The following ADARB2 variants were observed in gnomAD, a reference collection of about 807,000 sequenced individuals.
ADARB2 encodes the protein inactive double-stranded RNA-specific editase B2.
In ADARB2, 25 loss-of-function variants were observed where a neutral mutation model predicts 62.2. That is an observed-to-expected ratio of 0.40 (90% CI 0.29 to 0.56). ADARB2 has a LOEUF of 0.56. ADARB2 is among the 20% of genes least tolerant of loss of function. ADARB2 has a pLI of 0.43. For missense variants in ADARB2, 1,071 were observed against 1,077.4 expected (o/e 0.99, Z 0.08); for synonymous variants, 572 against 500.8 (o/e 1.14, Z -1.90).
At chr10:1,725,914 T>A (rs1422742214) in intron 1 of ADARB2, among the ~76,000 whole-genome samples, 3 of 152,228 alleles carry the variant, frequency 2.0e-5, no homozygotes, top group Non-Finnish European at 4.4e-5. Flanking sequence ...TAAAATGTTT[T>A]CATAGTCAAG....
intron 3 of ADARB2, among the ~76,000 whole-genome samples, chr10:1,333,401 G>C (rs1831946451): frequency 1.3e-5 from 2 of 152,128 alleles, no homozygotes; most frequent in Non-Finnish European, 2.9e-5. Flanking sequence ...CTGAAAGAAG[G>C]CCTCACAGGG....
At chr10:1,402,437 G>A (rs1207853653) in intron 1 of ADARB2, among the ~76,000 whole-genome samples, 1 of 152,198 alleles carries the variant, frequency 6.6e-6, no homozygotes, top group African/African-American at 2.4e-5. Context: ...AAAATGCTGT[G>A]TGGAATTGGT....
intron 1 of ADARB2, among the ~76,000 whole-genome samples, chr10:1,462,652 TGTACATGA>T (rs1240226014): frequency 1.3e-5 from 2 of 151,844 alleles, no homozygotes; most frequent in African/African-American, 4.9e-5. Context: ...CCTGTGTGTA[TGTACATGA>T]GTGTATGTGC....
intron 1 of ADARB2, among the ~76,000 whole-genome samples, chr10:1,516,892 CGT>C (rs1832015736): frequency 6.6e-6 from 1 of 152,158 alleles, no homozygotes; most frequent in Non-Finnish European, 1.5e-5. Flanking sequence ...ATTCTAGACA[CGT>C]GTGTTTGTGA....
chr10:1,223,056 T>C (rs1830709371), intron 6 of ADARB2, among the ~76,000 whole-genome samples: 1 of 152,224 alleles, frequency 6.6e-6, no homozygotes. Context: ...GAGCATGTAT[T>C]GTTCTTCGAT....
chr10:1,228,481 G>A (rs1012349528), intron 6 of ADARB2, among the ~76,000 whole-genome samples: 4 of 152,234 alleles, frequency 2.6e-5, no homozygotes, highest in African/African-American at 9.6e-5. Context: ...GCCCTCGTGA[G>A]TCTGTGCTGA....
intron 1 of ADARB2, among the ~76,000 whole-genome samples, chr10:1,584,661 C>A (rs1564338715): frequency 6.6e-6 from 1 of 152,212 alleles, no homozygotes; most frequent in Non-Finnish European, 1.5e-5. Context: ...GGAGCTTTAT[C>A]CATAACTGCC....
intron 1 of ADARB2, among the ~76,000 whole-genome samples, chr10:1,515,384 G>T (rs1831995411): frequency 2.0e-5 from 3 of 152,238 alleles, no homozygotes; most frequent in Non-Finnish European, 4.4e-5. Context: ...TTTCCAGGTG[G>T]GAAACCCTCT....
intron 1 of ADARB2, among the ~76,000 whole-genome samples, chr10:1,533,247 T>C (rs957932471): frequency 2.7e-5 from 4 of 150,852 alleles, no homozygotes; most frequent in Non-Finnish European, 5.9e-5. Flanking sequence ...GCCTCCCGAG[T>C]AGCTGGGACT....
chr10:1,677,806 C>T (rs1834485960), intron 1 of ADARB2, among the ~76,000 whole-genome samples: 2 of 152,220 alleles, frequency 1.3e-5, no homozygotes, highest in Admixed American at 6.5e-5. Flanking sequence ...GCTGCTCTGT[C>T]TCTGCAGATC....
chr10:1,278,932 C>G (rs1831346068), intron 3 of ADARB2, among the ~76,000 whole-genome samples: 1 of 152,188 alleles, frequency 6.6e-6, no homozygotes, highest in South Asian at 2.1e-4. Context: ...TCATCAACCT[C>G]TCGAATGAAT....
At chr10:1,540,474 C>T (rs1832403148) in intron 1 of ADARB2, among the ~76,000 whole-genome samples, 1 of 147,986 alleles carries the variant, frequency 6.8e-6, no homozygotes, top group South Asian at 2.1e-4. Context: ...CGCCCAGACC[C>T]CACTCAGACG....
intron 1 of ADARB2, among the ~76,000 whole-genome samples, chr10:1,677,670 C>A (rs1834484675): frequency 6.6e-6 from 1 of 152,170 alleles, no homozygotes; most frequent in African/African-American, 2.4e-5. Flanking sequence ...CACTTTTTAC[C>A]TTTTAGATCC....
intron 5 of ADARB2, 112 bp downstream of exon 5, chr10:1,242,019 G>C: frequency 8.4e-7 from 1 of 1,189,222 alleles, no homozygotes; most frequent in East Asian, 2.6e-5. Context: ...GGCTCACCCT[G>C]TGCCAGGATA....
intron 1 of ADARB2, among the ~76,000 whole-genome samples, chr10:1,569,655 C>T (rs997312124): frequency 1.3e-5 from 2 of 152,122 alleles, no homozygotes; most frequent in African/African-American, 4.8e-5. Flanking sequence ...TTAAATGCAA[C>T]CATTTGTCAT....
chr10:1,448,787 C>T (rs1018506471), intron 1 of ADARB2, among the ~76,000 whole-genome samples: 7 of 152,114 alleles, frequency 4.6e-5, no homozygotes, highest in Non-Finnish European at 8.8e-5. Context: ...TTTCCTTTGT[C>T]GACCTAGCAC....
In ADARB2 at chr10:1,494,672, C is replaced by T. The variant is rs535555447; in HGVS notation, c.101-115512G>A. Among the ~76,000 whole-genome samples the T allele has an allele frequency of 2.0e-5, 3 of 152,248 alleles. No homozygotes were observed. In the South Asian group the frequency reaches 6.2e-4, roughly 32 times the overall value. On this transcript the variant is annotated intron_variant, in intron 1 of 9. Coordinates refer to ENST00000381312, the MANE Select transcript of ADARB2 (RefSeq NM_018702.4). Reference sequence around the variant, plus strand: ...TATCCAGGTGACAACAGTAACATGTCATTTTAGAGTGATTAAATAATTGTA... The same window carrying T: ...TATCCAGGTGACAACAGTAACATGTTATTTTAGAGTGATTAAATAATTGTA...
intron 6 of ADARB2, among the ~76,000 whole-genome samples, chr10:1,222,815 G>T (rs1327155924): frequency 3.3e-5 from 5 of 150,010 alleles, no homozygotes. Flanking sequence ...TTTGGTTACT[G>T]TAGCCTTGTA....
At chr10:1,359,453 G>A (rs1201162430) in intron 3 of ADARB2, among the ~76,000 whole-genome samples, 1 of 152,208 alleles carries the variant, frequency 6.6e-6, no homozygotes, top group African/African-American at 2.4e-5. Flanking sequence ...AATCAGATAC[G>A]AAGAAGCCAC....
Sources: allele counts gnomAD v4.1 joint callset (sites outside exome capture counted in the v4.1 genomes callset), GRCh38; gene constraint gnomAD v4.1.1; transcripts MANE v1.5; gene names NCBI Gene and HGNC (gene_info 2026-07-23, HGNC 2026-07-21).